Variants in LSAMP observed in about 807,000 individuals in gnomAD.
LSAMP encodes limbic system-associated membrane protein.
Under a neutral mutation model 38.6 loss-of-function variants are expected in LSAMP, and 7 were observed. That is an observed-to-expected ratio of 0.18 (90% CI 0.10 to 0.34). The LOEUF (loss-of-function observed/expected upper bound fraction) is 0.34. Among genes scored for constraint, LSAMP ranks in the 10% least tolerant of loss-of-function variants. The pLI is 1.00. For synonymous variants in LSAMP, 154 were observed against 166.8 expected, an observed-to-expected ratio of 0.92 and a Z score of 0.59; for missense variants, 313 against 420.0, an observed-to-expected ratio of 0.75 and a Z score of 2.23.
intron 4 of LSAMP, among the ~76,000 whole-genome samples, chr3:115,851,759 G>A (rs1935337123): frequency 1.3e-5 from 2 of 152,168 alleles, no homozygotes; most frequent in Admixed American, 1.3e-4. Context: ...ATGATGCAGA[G>A]TCAGTGCTAA....
chr3:116,070,059 C>T (rs1476928647), intron 2 of LSAMP, among the ~76,000 whole-genome samples: 1 of 151,800 alleles, frequency 6.6e-6, no homozygotes, highest in African/African-American at 2.4e-5. Flanking sequence ...ATGGAAGGAA[C>T]ATGAGAATAT....
At chr3:116,079,183 C>G (rs1707816979) in intron 2 of LSAMP, among the ~76,000 whole-genome samples, 1 of 152,182 alleles carries the variant, frequency 6.6e-6, no homozygotes, top group Admixed American at 6.5e-5. Flanking sequence ...CCTCAATTCT[C>G]TTCAATGTAG....
chr3:116,197,163 A>ACACACACTCTCTCTCTCTCTCTCT (rs1268040540), intron 1 of LSAMP, among the ~76,000 whole-genome samples: 23 of 139,084 alleles, frequency 1.7e-4, no homozygotes, highest in African/African-American at 5.7e-4. Flanking sequence ...ACACACACAC[A>ACACACACTCTCTCTCTCTCTCTCT]CTCTCTCTCT....
intron 3 of LSAMP, among the ~76,000 whole-genome samples, chr3:115,953,444 A>ACACACACACAC (rs1224815803): frequency 1.0e-5 from 1 of 97,116 alleles, no homozygotes; most frequent in Non-Finnish European, 2.2e-5. Flanking sequence ...CACACACACA[A>ACACACACACAC]TGTCTAAAAT....
At chr3:116,322,408 A>G (rs1176526502) in intron 1 of LSAMP, among the ~76,000 whole-genome samples, 1 of 152,216 alleles carries the variant, frequency 6.6e-6, no homozygotes, top group Non-Finnish European at 1.5e-5. Context: ...GGAACATCCA[A>G]ACATTTTTTA....
At chr3:115,842,401 C>T in intron 5 of LSAMP, 57 bp downstream of exon 5, 1 of 1,575,250 alleles carries the variant, frequency 6.3e-7, no homozygotes, top group South Asian at 1.2e-5. Context: ...TGTGGGGATT[C>T]TGGTGTCCCC....
intron 1 of LSAMP, among the ~76,000 whole-genome samples, chr3:116,377,450 T>C (rs143424024): frequency 2.3e-3 from 345 of 152,250 alleles, no homozygotes; most frequent in Admixed American, 3.9e-3. Context: ...ATAATGTATA[T>C]GTACCACATT....
intron 1 of LSAMP, among the ~76,000 whole-genome samples, chr3:116,240,047 ATTC>A (rs2046512919): frequency 1.3e-5 from 2 of 152,198 alleles, no homozygotes; most frequent in African/African-American, 4.8e-5. Flanking sequence ...CAACATAATA[ATTC>A]TTCATGTACT....
rs147063223 is a variant in LSAMP at position 116,052,574 on chromosome 3, C to T, written c.389-32934G>A. ...GTCTCTGGTAGGTAAGCACCGTCCC[C>T]GTGAGGCTAAGAAGTTCAAATTTAA... On this transcript the variant is annotated intron_variant, in intron 2 of 6. Coordinates refer to ENST00000490035, the MANE Select transcript of LSAMP (RefSeq NM_002338.5). 1.7e-3 allele frequency among the ~76,000 whole-genome samples: 253 copies of T among 152,252 alleles called. 3 individuals are homozygous for T. Among genetic ancestry groups the T allele is most frequent in the East Asian group, 1.5e-3 (8 of 5,182 alleles).
chr3:116,007,423 A>G (rs910969862), intron 3 of LSAMP, among the ~76,000 whole-genome samples: 2 of 152,168 alleles, frequency 1.3e-5, no homozygotes, highest in Non-Finnish European at 2.9e-5. Flanking sequence ...TATTAGAATG[A>G]ATTGCAGCCT....
At chr3:116,326,431 T>A (rs1474327849) in intron 1 of LSAMP, among the ~76,000 whole-genome samples, 1 of 152,094 alleles carries the variant, frequency 6.6e-6, no homozygotes, top group Non-Finnish European at 1.5e-5. Flanking sequence ...CTAGCAGAAC[T>A]CTCCTGAGTC....
At chr3:115,910,546 T>C (rs931128608) in intron 3 of LSAMP, among the ~76,000 whole-genome samples, 3 of 152,200 alleles carry the variant, frequency 2.0e-5, no homozygotes, top group Admixed American at 2.0e-4. Flanking sequence ...CTGTATCCTC[T>C]ACCTAGTTTC....
chr3:116,266,212 C>T (rs1402885738), intron 1 of LSAMP, among the ~76,000 whole-genome samples: 3 of 152,118 alleles, frequency 2.0e-5, no homozygotes, highest in Non-Finnish European at 4.4e-5. Flanking sequence ...AATTATCACA[C>T]CACGTAACTA....
At position 116,174,003 on chromosome 3, in the gene LSAMP, G is replaced by T. The variant is rs1055716199; in HGVS notation, c.156-87447C>A. Among the ~76,000 whole-genome samples, 3 of 151,848 alleles carry T rather than the reference G, an allele frequency of 2.0e-5. No individual in the cohort carries two copies. In the East Asian group the frequency reaches 5.8e-4, roughly 29 times the overall value. ...TTCAACTCTGACAGTTTAATTTCCA[G>T]ACTCAGAACTTTTCCAAATCAGAAA... On this transcript the variant is annotated intron_variant, in intron 1 of 6. Coordinates refer to ENST00000490035, the MANE Select transcript of LSAMP (RefSeq NM_002338.5).
intron 1 of LSAMP, among the ~76,000 whole-genome samples, chr3:116,253,803 G>T (rs1038918669): frequency 6.6e-5 from 10 of 152,166 alleles, no homozygotes; most frequent in African/African-American, 2.4e-4. Context: ...GAGTAGAGTG[G>T]TATGATTCAA....
chr3:116,041,819 A>AAAAAC (rs1559931004), intron 2 of LSAMP, among the ~76,000 whole-genome samples: 1,623 of 145,616 alleles, frequency 0.011, 71 homozygotes, highest in African/African-American at 0.04. Context: ...AACAAAACAA[A>AAAAAC]AAAAAAACAC....
chr3:116,386,617 C>T (rs1006839218), intron 1 of LSAMP, among the ~76,000 whole-genome samples: 7 of 152,130 alleles, frequency 4.6e-5, no homozygotes, highest in Non-Finnish European at 1.0e-4. Flanking sequence ...GGAATGCAGA[C>T]GCACATCACC....
intron 1 of LSAMP, among the ~76,000 whole-genome samples, chr3:116,240,725 A>T (rs574295195): frequency 6.6e-6 from 1 of 152,328 alleles, no homozygotes; most frequent in Non-Finnish European, 1.5e-5. Flanking sequence ...TGTAAGAAAA[A>T]AATATGTTTT....
intron 3 of LSAMP, among the ~76,000 whole-genome samples, chr3:115,985,327 A>T (rs980811316): frequency 6.6e-6 from 1 of 152,228 alleles, no homozygotes; most frequent in Non-Finnish European, 1.5e-5. Context: ...GTGGCCAGTT[A>T]AGAACTAGAT....
Sources: allele counts gnomAD v4.1 joint callset (sites outside exome capture counted in the v4.1 genomes callset), GRCh38; gene constraint gnomAD v4.1.1; transcripts MANE v1.5; gene names NCBI Gene and HGNC (gene_info 2026-07-23, HGNC 2026-07-21).